SORBS2: variants seen among roughly 807,000 people sequenced by gnomAD.
The protein encoded by SORBS2 is sorbin and SH3 domain-containing protein 2.
Under a neutral mutation model 97.7 loss-of-function variants are expected in SORBS2, and 46 were observed. The observed-to-expected ratio is 0.47, with a 90% CI of 0.37 to 0.60. The LOEUF is 0.60. Ranked by LOEUF, SORBS2 falls within the 20% of genes least tolerant of loss-of-function variation. SORBS2 has a pLI of 0.00. For synonymous variants in SORBS2, 476 were observed against 473.4 expected (o/e 1.01, Z -0.07); for missense variants, 1,316 against 1,282.3 (o/e 1.03, Z -0.40).
chr4:185,747,521 C>A (rs906763921), intron 2 of SORBS2, among the ~76,000 whole-genome samples: 2 of 151,236 alleles, frequency 1.3e-5, no homozygotes, highest in African/African-American at 4.8e-5. Context: ...TGAAGAGCCC[C>A]ATAGAAGACA....
At chr4:185,903,574 C>T (rs956360613) in intron 1 of SORBS2, among the ~76,000 whole-genome samples, 3 of 152,084 alleles carry the variant, frequency 2.0e-5, no homozygotes, top group Admixed American at 1.3e-4. Flanking sequence ...GTCTAGCTCT[C>T]CCCCCTGCCA....
chr4:185,823,686 C>T (rs1331046082), intron 1 of SORBS2, among the ~76,000 whole-genome samples: 1 of 152,016 alleles, frequency 6.6e-6, no homozygotes, highest in Non-Finnish European at 1.5e-5. Context: ...TTTTATGAAA[C>T]TTCTCAATTT....
At chr4:185,731,866 C>CTCTCTCTCTGTA (rs1286500642) in intron 2 of SORBS2, among the ~76,000 whole-genome samples, 2 of 24,692 alleles carry the variant, frequency 8.1e-5, no homozygotes. Context: ...CTCTCTCTCT[C>CTCTCTCTCTGTA]TATATATATA....
chr4:185,751,663 G>A (rs552269224), intron 2 of SORBS2, among the ~76,000 whole-genome samples: 6 of 152,166 alleles, frequency 3.9e-5, no homozygotes, highest in African/African-American at 1.2e-4. Context: ...GTGTGCACAC[G>A]TACACATGAA....
At chr4:185,731,866 C>CTCTATATA (rs1286500642) in intron 2 of SORBS2, among the ~76,000 whole-genome samples, 4 of 24,692 alleles carry the variant, frequency 1.6e-4, no homozygotes, top group Non-Finnish European at 2.7e-4. Context: ...CTCTCTCTCT[C>CTCTATATA]TATATATATA....
In SORBS2 at chr4:185,743,206, G is replaced by T. The variant is rs117741781; in HGVS notation, c.-198+32021C>A. ...TTTATTATTTTTTCGTGGCATCCTA[G>T]TGAGGCAGGCTAGTTTGACAACATG... On this transcript the variant is annotated intron_variant, in intron 2 of 20. Coordinates refer to the SORBS2 transcript ENST00000284776. Among the ~76,000 whole-genome samples the T allele has an allele frequency of 2.0e-5, 3 of 152,184 alleles. No individual in the cohort carries two copies. The East Asian group carries it at 5.8e-4, about 29-fold the overall frequency.
At position 185,623,109 on chromosome 4, in the gene SORBS2, C is replaced by T. The variant is rs530628406; in HGVS notation, c.2020G>A (p.Glu674Lys). The change falls in exon 7 of 15, where the codon GAG (glutamate) becomes AAG (lysine). Residue 674 changes from glutamate (E) to lysine (K), a missense_variant. Coordinates refer to ENST00000418609, the Ensembl canonical transcript of SORBS2. The surrounding 1 kb of genome is among the most constrained non-coding windows in gnomAD (Gnocchi z 6.4). Reference sequence around the variant, plus strand: ...AGCGCTCTCAGGGATGAGTTCCTCTCGGGAACATCTGGCAGCAGCTCACTG... The same window carrying T: ...AGCGCTCTCAGGGATGAGTTCCTCTTGGGAACATCTGGCAGCAGCTCACTG... 6 of 1,614,100 alleles carry T rather than the reference C, an allele frequency of 3.7e-6. No homozygotes were observed. The African/African-American group carries it at 4.0e-5, about 11-fold the overall frequency.
chr4:185,638,295 C>T, intron 4 of SORBS2, 133 bp from the exon 15 acceptor site: 1 of 666,718 alleles, frequency 1.5e-6, no homozygotes, highest in Middle Eastern at 2.5e-4. Context: ...CGAACCTCAG[C>T]AGGAGAGAAC....
intron 1 of SORBS2, among the ~76,000 whole-genome samples, chr4:185,940,379 C>T (rs571620608): frequency 6.6e-6 from 1 of 152,248 alleles, no homozygotes; most frequent in South Asian, 2.1e-4. Flanking sequence ...ACCCTTATTC[C>T]CCATACATGA....
intron 3 of SORBS2, among the ~76,000 whole-genome samples, chr4:185,647,519 C>T (rs1239103450): frequency 1.3e-5 from 2 of 151,266 alleles, no homozygotes; most frequent in African/African-American, 2.4e-5. Flanking sequence ...TGGGCTCAAG[C>T]CATCCTCTCT....
At chr4:185,837,560 G>A (rs1173835023) in intron 1 of SORBS2, among the ~76,000 whole-genome samples, 3 of 152,248 alleles carry the variant, frequency 2.0e-5, no homozygotes, top group African/African-American at 2.4e-5. Context: ...ATTGCTTTGC[G>A]GAAGTGGCTT....
chr4:185,865,018 GC>G (rs1304471760), intron 1 of SORBS2, among the ~76,000 whole-genome samples: 4 of 152,088 alleles, frequency 2.6e-5, no homozygotes, highest in Admixed American at 2.0e-4. Flanking sequence ...AGGAGCCGAT[GC>G]TTTGGGCTCA....
chr4:185,955,788 A>G (rs1188588281), intron 1 of SORBS2, among the ~76,000 whole-genome samples: 1 of 152,098 alleles, frequency 6.6e-6, no homozygotes, highest in African/African-American at 2.4e-5. Context: ...TTTGATCAGC[A>G]ATTTGGCCTT....
intron 1 of SORBS2, among the ~76,000 whole-genome samples, chr4:185,913,565 T>C (rs192403597): frequency 1.8e-4 from 27 of 152,314 alleles, no homozygotes; most frequent in Non-Finnish European, 3.1e-4. Context: ...AAGAAGTCAC[T>C]TCCTATTAAA....
chr4:185,699,928 C>T (rs2098235874), intron 2 of SORBS2, among the ~76,000 whole-genome samples: 1 of 152,060 alleles, frequency 6.6e-6, no homozygotes, highest in African/African-American at 2.4e-5. Context: ...AAGTGTTAAG[C>T]AGAATCATAG....
intron 1 of SORBS2, 110 bp from the exon 10 acceptor site, chr4:185,652,838 G>T: frequency 6.0e-6 from 5 of 826,960 alleles, no homozygotes; most frequent in Middle Eastern, 2.2e-4. Flanking sequence ...CCCATTCTGT[G>T]ATAAAATGTT....
chr4:185,770,877 T>G (rs922214288), intron 2 of SORBS2: 1 of 152,132 alleles, frequency 6.6e-6, no homozygotes, highest in East Asian at 1.9e-4. Context: ...AATAAGATTT[T>G]TAATGATTTA....
intron 1 of SORBS2, among the ~76,000 whole-genome samples, chr4:185,879,541 G>C (rs1240667551): frequency 6.6e-6 from 1 of 152,124 alleles, no homozygotes; most frequent in Non-Finnish European, 1.5e-5. Context: ...ACCCAGTAAT[G>C]GGATAGCTGG....
intron 1 of SORBS2, among the ~76,000 whole-genome samples, chr4:185,869,546 C>T (rs1190818510): frequency 6.6e-6 from 1 of 152,198 alleles, no homozygotes; most frequent in African/African-American, 2.4e-5. Context: ...GAAGCAGCAG[C>T]CAACAGGTCA....
Sources: allele counts gnomAD v4.1 joint callset (sites outside exome capture counted in the v4.1 genomes callset), GRCh38; gene constraint gnomAD v4.1.1; non-coding constraint Gnocchi (gnomAD v3.1); transcripts MANE v1.5; gene names NCBI Gene and HGNC (gene_info 2026-07-23, HGNC 2026-07-21).